Variants in IL34 observed in about 807,000 individuals in gnomAD.
IL34 encodes interleukin-34.
Under a neutral mutation model 25.3 loss-of-function variants are expected in IL34, and 17 were observed. The observed-to-expected ratio is 0.67, with a 90% CI of 0.46 to 1.01. The LOEUF (loss-of-function observed/expected upper bound fraction) is 1.01. IL34 is among the 50% of genes least tolerant of loss of function. The pLI is 0.00. For missense variants in IL34, 368 were observed against 312.9 expected, an observed-to-expected ratio of 1.18 and a Z score of -1.33; for synonymous variants, 174 against 140.9, an observed-to-expected ratio of 1.23 and a Z score of -1.66.
chr16:70,641,728 G>A (rs536997254), upstream of IL34, among the ~76,000 whole-genome samples: 30 of 151,840 alleles, frequency 2.0e-4, no homozygotes, highest in Middle Eastern at 3.4e-3. Context: ...CTCCTTGTCC[G>A]GCTAATTTTT....
chr16:70,580,439 T>G (rs1203997181), intron 1 of IL34, among the ~76,000 whole-genome samples: 1 of 152,240 alleles, frequency 6.6e-6, no homozygotes, highest in East Asian at 1.9e-4. Context: ...TGGACCTTAA[T>G]GTACTGTGTG....
At chr16:70,656,724 A>G (rs754791420) in intron 3 of IL34, 45 bp downstream of exon 3, 2 of 1,019,738 alleles carry the variant, frequency 2.0e-6, no homozygotes, top group Admixed American at 1.7e-5. Context: ...CTCCTGCGAC[A>G]TCCGGTGGGC....
In IL34 at chr16:70,660,154, G is replaced by A. The variant is rs766224487; in HGVS notation, c.696G>A (p.Pro232=). The A allele has an allele frequency of 4.2e-5, 67 of 1,606,288 alleles. No homozygotes were observed. The highest frequency in any genetic ancestry group is 5.4e-5 in the Non-Finnish European group (64 of 1,176,924). Residue 232 remains proline (P), a synonymous_variant, in exon 6 of 6, where the codon CCG becomes CCA. Transcript: ENST00000288098. The part of the protein sequence containing the change: ...SPPHSTGSVR[P]VRAQGEGLLP ...CTCACTCCACGGGCTCGGTGAGGCC[G>A]GTCAGGGCACAGGGCGAGGGCCTCT...
At chr16:70,636,235 C>T (rs2051640258) in intron 1 of IL34, among the ~76,000 whole-genome samples, 1 of 151,866 alleles carries the variant, frequency 6.6e-6, no homozygotes, top group Non-Finnish European at 1.5e-5. Flanking sequence ...GACAGAGTTT[C>T]TCCATATTGA....
intron 1 of IL34, 65 bp downstream of exon 1, chr16:70,647,040 G>C: frequency 7.5e-7 from 1 of 1,331,870 alleles, no homozygotes; most frequent in South Asian, 1.8e-5. Flanking sequence ...AGGATCTGCC[G>C]TAACCATAGC....
At chr16:70,634,281 G>A (rs550096458) in intron 1 of IL34, among the ~76,000 whole-genome samples, 1 of 150,312 alleles carries the variant, frequency 6.7e-6, no homozygotes, top group Admixed American at 6.6e-5. Context: ...GAGATTCCAG[G>A]TAAGATATGA....
chr16:70,627,956 C>T (rs78321692), intron 1 of IL34, among the ~76,000 whole-genome samples: 4,371 of 152,222 alleles, frequency 0.029, 246 homozygotes, highest in African/African-American at 0.1. Context: ...TATTTACTTA[C>T]GAAAGAAATT....
intron 1 of IL34, among the ~76,000 whole-genome samples, chr16:70,610,244 C>T (rs1477381244): frequency 6.6e-6 from 1 of 151,060 alleles, no homozygotes; most frequent in Non-Finnish European, 1.5e-5. Context: ...AAGGTAGGAG[C>T]TGAGAGAGGG....
At chr16:70,617,221 T>A (rs959576524) in intron 1 of IL34, among the ~76,000 whole-genome samples, 2 of 152,152 alleles carry the variant, frequency 1.3e-5, no homozygotes, top group Admixed American at 1.3e-4. Flanking sequence ...GAAAAACCGG[T>A]ATAAAAGGTC....
chr16:70,653,707 CTGAT>C (rs1206384451), intron 1 of IL34, among the ~76,000 whole-genome samples: 1 of 152,086 alleles, frequency 6.6e-6, no homozygotes, highest in Non-Finnish European at 1.5e-5. Context: ...AAAATTATAT[CTGAT>C]TGTTTTAATG....
chr16:70,658,250 G>A (rs995993847), intron 4 of IL34, among the ~76,000 whole-genome samples: 1 of 152,238 alleles, frequency 6.6e-6, no homozygotes, highest in African/African-American at 2.4e-5. Context: ...CCTGGAACCA[G>A]ACTGGTGGGG....
Position 70,625,402 on chromosome 16 carries a change from T to C in IL34, c.-400-21146T>C, listed in dbSNP as rs527507804. Among the ~76,000 whole-genome samples the C allele has an allele frequency of 9.9e-5, 15 of 152,142 alleles. No homozygotes were observed. In the East Asian group the frequency reaches 2.3e-3, roughly 24 times the overall value. On this transcript the variant is annotated intron_variant, in intron 1 of 6. Coordinates refer to the IL34 transcript ENST00000429149. ...GAGGTTGGGGTGCGGAAATAAGGGATTGGGGGTTCTTGCCCCCTAGAAAAG... is the reference window on the plus strand; with the variant it reads ...GAGGTTGGGGTGCGGAAATAAGGGACTGGGGGTTCTTGCCCCCTAGAAAAG...
rs141672955 is a variant in IL34 at position 70,606,576 on chromosome 16, A to T, written c.-401+26527A>T. 1.3e-3 allele frequency among the ~76,000 whole-genome samples: 195 copies of T among 151,536 alleles called. 5 individuals are homozygous for T. Among genetic ancestry groups the T allele is most frequent in the African/African-American group, 4.3e-3 (177 of 41,330 alleles). On this transcript the variant is annotated intron_variant, in intron 1 of 6. Coordinates refer to the IL34 transcript ENST00000429149. ...ACTGATCTGTCTTCTGTCATTTTAG[A>T]TTCGTTTGGATTTTCTAGATTTTTT...
intron 1 of IL34, among the ~76,000 whole-genome samples, chr16:70,621,014 G>A (rs993309989): frequency 3.3e-5 from 5 of 152,134 alleles, no homozygotes; most frequent in African/African-American, 4.8e-5. Flanking sequence ...AGGGGTTGGG[G>A]CACGGAAATA....
chr16:70,657,573 T>G (rs950539447), intron 4 of IL34, among the ~76,000 whole-genome samples: 13 of 152,004 alleles, frequency 8.6e-5, no homozygotes, highest in Non-Finnish European at 1.5e-4. Flanking sequence ...GTCAGGAGTT[T>G]GAGACCAGCC....
chr16:70,590,217 C>G (rs2050736903), intron 1 of IL34, among the ~76,000 whole-genome samples: 3 of 152,126 alleles, frequency 2.0e-5, no homozygotes, highest in African/African-American at 7.2e-5. Context: ...TGGGGGATTC[C>G]TAGCATGTGT....
rs778076818 is a variant in IL34 at position 70,657,095 on chromosome 16, C to T, written c.376C>T (p.Leu126=). 1.1e-5 allele frequency: 18 copies of T among 1,612,958 alleles called. No individual in the cohort carries two copies. The highest frequency in any genetic ancestry group is 2.7e-5 in the African/African-American group (2 of 74,846). The change falls in exon 4 of 6, where the codon CTG becomes TTG. Residue 126 remains leucine, a synonymous_variant. Coordinates refer to ENST00000288098, the MANE Select transcript of IL34 (RefSeq NM_001393494.1). ...GTACCTGCAGGAGGTGGAGACGCTG[C>T]TGCTGAATGTCCAGCAGGGCCTCAC... ...WKYLQEVETL[L]LNVQQGLTDV...
At position 70,660,480 on chromosome 16, in the gene IL34, G is replaced by A. The variant is rs1426210953; in HGVS notation, c.*293G>A. On this transcript the variant is annotated 3_prime_UTR_variant, in exon 6 of 6. Transcript: ENST00000288098. ...CTCACTGTCCCCCCGCCTAAAGGGG[G>A]TACTGAGCCTCCTGTGGCCCGCAGC... is the stretch of plus-strand genomic sequence containing the variant. The A allele has an allele frequency of 3.0e-6, 1 of 329,948 alleles. No individual in the cohort carries two copies. Among genetic ancestry groups the A allele is most frequent in the Non-Finnish European group, 5.5e-6 (1 of 181,544 alleles). 20.4% of individuals were successfully genotyped at this position (329,948 alleles called of 1,614,324 possible). A position where few individuals can be genotyped will look rare whatever the true frequency, so the allele number is the denominator to read the frequency against.
Position 70,629,896 on chromosome 16 carries a change from AATTAC to A in IL34, c.-400-16647_-400-16643del, listed in dbSNP as rs1261730020. Among the ~76,000 whole-genome samples, 3 of 152,166 alleles carry A rather than the reference AATTAC, an allele frequency of 2.0e-5. No individual in the cohort carries two copies. In the East Asian group the frequency reaches 5.8e-4, roughly 29 times the overall value. On this transcript the variant is annotated intron_variant, in intron 1 of 6. Coordinates refer to the IL34 transcript ENST00000429149. ...CTGTTTCAGTAATTAAAAAATGTACAATTACATTATTGACTCTAGTCACCCTGTTG... is the reference window on the plus strand; with the variant it reads ...CTGTTTCAGTAATTAAAAAATGTACAATTATTGACTCTAGTCACCCTGTTG...
Sources: allele counts gnomAD v4.1 joint callset (sites outside exome capture counted in the v4.1 genomes callset), GRCh38; gene constraint gnomAD v4.1.1; transcripts MANE v1.5; gene names NCBI Gene and HGNC (gene_info 2026-07-23, HGNC 2026-07-21).